The following SCNN1A variants were observed in gnomAD, a reference collection of about 807,000 sequenced individuals.
SCNN1A encodes sodium channel epithelial 1 subunit alpha, also known as epithelial sodium channel subunit alpha.
Under a neutral mutation model 68.6 loss-of-function variants are expected in SCNN1A, and 65 were observed. That is an observed-to-expected ratio of 0.95 (90% confidence interval 0.78 to 1.16). SCNN1A has a LOEUF of 1.16. Ranked by LOEUF, SCNN1A falls within the 50% of genes most tolerant of loss-of-function variation. SCNN1A has a pLI of 0.00. For synonymous variants in SCNN1A, 357 were observed against 353.3 expected (o/e 1.01, Z -0.12); for missense variants, 880 against 865.9 (o/e 1.02, Z -0.20).
At position 6,362,050 on chromosome 12, in the gene SCNN1A, C is replaced by G; in HGVS notation, c.875+1G>C. On this transcript the variant is annotated splice_donor_variant, in intron 4 of 12. Coordinates refer to ENST00000228916, the MANE Select transcript of SCNN1A (RefSeq NM_001038.6). LOFTEE classifies it high-confidence loss of function. ...CAAGGAGCCAGGCAGGACTGACTCA[C>G]GCCTGGTTGCAGGAGACCTGGTTGA... 6.2e-7 allele frequency: 1 copy of G among 1,614,062 alleles called. No homozygotes were observed. The highest frequency in any genetic ancestry group is 8.5e-7 in the Non-Finnish European group (1 of 1,179,948).
chr12:6,352,662 G>C (rs2136859961), intron 8 of SCNN1A, among the ~76,000 whole-genome samples: 1 of 152,350 alleles, frequency 6.6e-6, no homozygotes, highest in South Asian at 2.1e-4. Context: ...TTGCTCATCT[G>C]AGACAGGAGA....
At position 6,361,905 on chromosome 12, in the gene SCNN1A, C is replaced by A. The variant is rs4764586; in HGVS notation, c.875+146G>T. ...GCGCTCTCTGGGGCAGGGTGTGGGC[C>A]CAAAGCCAGTGCTTCCCCCTGGCCT... On this transcript the variant is annotated intron_variant, in intron 4 of 12. Coordinates refer to ENST00000228916, the MANE Select transcript of SCNN1A (RefSeq NM_001038.6). The A allele has an allele frequency of 0.32, 283,499 of 875,610 alleles. 48,451 individuals carry two copies. Among genetic ancestry groups the A allele is most frequent in the Admixed American group, 0.46 (24,799 of 54,204 alleles). 54.2% of individuals were successfully genotyped at this position (875,610 alleles called of 1,614,324 possible).
Position 6,349,100 on chromosome 12 carries a change from C to G in SCNN1A, c.1497+64G>C. The G allele has an allele frequency of 1.3e-5, 21 of 1,603,360 alleles. No individual in the cohort carries two copies. In the South Asian group the frequency reaches 2.2e-4, roughly 17 times the overall value. ...CAAACACACTCATACACATAATACC[C>G]AGAGAAGGCCACAGCATTACATGGG... is the stretch of plus-strand genomic sequence containing the variant. On this transcript the variant is annotated intron_variant, in intron 10 of 12. Coordinates refer to ENST00000228916, the MANE Select transcript of SCNN1A (RefSeq NM_001038.6).
intron 2 of SCNN1A, among the ~76,000 whole-genome samples, chr12:6,373,268 T>C (rs1194387045): frequency 6.6e-6 from 1 of 151,948 alleles, no homozygotes; most frequent in South Asian, 2.1e-4. Context: ...ATCGCACACA[T>C]ACCAATATGT....
In SCNN1A at chr12:6,347,948, G is replaced by T; in HGVS notation, c.1935C>A (p.Ala645=). The T allele has an allele frequency of 6.4e-7, 1 of 1,572,534 alleles. No individual in the cohort carries two copies. The highest frequency in any genetic ancestry group is 8.7e-7 in the Non-Finnish European group (1 of 1,155,628). Residue 645 remains alanine, a synonymous_variant, in exon 13 of 13, where the codon GCC becomes GCA. Transcript: ENST00000228916. ...CTGGAGATGGGCGGGGGCCCAGGGT[G>T]GCATAGGCAGGGGGAGGGGCTGTCA... ...PALTAPPPAY[A]TLGPRPSPGG...
In SCNN1A at chr12:6,363,545, C is replaced by A. The variant is rs755303181; in HGVS notation, c.582G>T (p.Pro194=). 1 of 1,609,516 alleles carries A rather than the reference C, an allele frequency of 6.2e-7. No homozygotes were observed. The highest frequency in any genetic ancestry group is 8.5e-7 in the Non-Finnish European group (1 of 1,178,134). ...LPHPLQRLRV[P]PPPHGARRAR... ...CTCGACGGGCCCCGTGAGGCGGGGGCGGGACCCTCAGGCGCTGCAAGGGGT... is the reference window on the plus strand; with the variant it reads ...CTCGACGGGCCCCGTGAGGCGGGGGAGGGACCCTCAGGCGCTGCAAGGGGT... Residue 194 remains proline, a synonymous_variant, in exon 3 of 13, where the codon CCG becomes CCT. Transcript: ENST00000228916.
chr12:6,354,689 T>C, intron 7 of SCNN1A, 61 bp downstream of exon 7: 2 of 1,502,182 alleles, frequency 1.3e-6, no homozygotes, highest in East Asian at 2.3e-5. Flanking sequence ...CCCTCCAGCT[T>C]TGCAGGGCCA....
intron 2 of SCNN1A, among the ~76,000 whole-genome samples, chr12:6,366,341 T>A (rs894647198): frequency 2.6e-5 from 4 of 152,070 alleles, no homozygotes; most frequent in Non-Finnish European, 5.9e-5. Flanking sequence ...CACACACAAA[T>A]GTGCACAAAT....
intron 1 of SCNN1A, 198 bp from the exon 2 acceptor site, chr12:6,375,035 A>C: frequency 1.9e-6 from 3 of 1,539,494 alleles, no homozygotes; most frequent in Non-Finnish European, 2.6e-6. Flanking sequence ...GACCTGCGGG[A>C]GTTGGGGCCA....
Position 6,348,780 on chromosome 12 carries a change from T to A in SCNN1A, c.1576A>T (p.Ile526Phe). 6.2e-7 allele frequency: 1 copy of A among 1,613,698 alleles called. No individual in the cohort carries two copies. Among genetic ancestry groups the A allele is most frequent in the Non-Finnish European group, 8.5e-7 (1 of 1,179,922 alleles). Residue 526 changes from isoleucine (I) to phenylalanine (F), a missense_variant, in exon 12 of 13, where the codon ATC becomes TTC. By Grantham distance (21) the Ile-to-Phe change is conservative. Around this residue, in one of 3 missense-constraint regions of SCNN1A, gnomAD observed 758 missense variants for 721.8 expected, o/e 1.05. Coordinates refer to ENST00000228916, the MANE Select transcript of SCNN1A (RefSeq NM_001038.6). The stretch of plus-strand genomic sequence containing the variant: ...TTGTAGTTCAGCTCCTTGAAGAAGA[T>A]GTTGACTTTGGCCACTCCATTTCTT... ...NKRNGVAKVNIFFKELNYKTN... is the reference protein window; with the variant it reads ...NKRNGVAKVNFFFKELNYKTN...
At position 6,358,107 on chromosome 12, in the gene SCNN1A, C is replaced by T. The variant is rs543791044; in HGVS notation, c.876-2227G>A. On this transcript the variant is annotated intron_variant, in intron 4 of 12. Coordinates refer to ENST00000228916, the MANE Select transcript of SCNN1A (RefSeq NM_001038.6). ...ACCAAACAAGTTACTTACTTAATCT[C>T]TCTGTACCTCAGTTTCCTCAGCTGT... Among the ~76,000 whole-genome samples, 32 of 152,348 alleles carry T rather than the reference C, an allele frequency of 2.1e-4. No homozygotes were observed. The South Asian group carries it at 6.6e-3, about 32-fold the overall frequency.
chr12:6,356,731 G>A (rs986427444), intron 4 of SCNN1A, among the ~76,000 whole-genome samples: 2 of 152,214 alleles, frequency 1.3e-5, no homozygotes, highest in Non-Finnish European at 2.9e-5. Context: ...TTGTAGCACA[G>A]CACATGTGCC....
At chr12:6,361,704 T>C (rs1431787076) in intron 4 of SCNN1A, among the ~76,000 whole-genome samples, 1 of 152,020 alleles carries the variant, frequency 6.6e-6, no homozygotes, top group Non-Finnish European at 1.5e-5. Flanking sequence ...GATCGCGCCA[T>C]TGCACTCCAG....
At position 6,374,081 on chromosome 12, in the gene SCNN1A, G is replaced by A. The variant is rs1173654651; in HGVS notation, c.416+287C>T. Among the ~76,000 whole-genome samples, 2 of 152,214 alleles carry A rather than the reference G, an allele frequency of 1.3e-5. No homozygotes were observed. Among genetic ancestry groups the A allele is most frequent in the African/African-American group, 4.8e-5 (2 of 41,454 alleles). On this transcript the variant is annotated intron_variant, in intron 2 of 12. Coordinates refer to ENST00000228916, the MANE Select transcript of SCNN1A (RefSeq NM_001038.6). This position sits in a 1 kb window ranked among gnomAD's most constrained non-coding sequence, Gnocchi z 6.2. The stretch of plus-strand genomic sequence containing the variant: ...CAAGCACTCCCTCCCACTTGCAGGA[G>A]GGAGAAGGGAATGGGAGGGAAGGAG...
At chr12:6,362,369 G>C in intron 3 of SCNN1A, 128 bp from the exon 4 acceptor site, 1 of 821,882 alleles carries the variant, frequency 1.2e-6, no homozygotes, top group Non-Finnish European at 2.1e-6. Flanking sequence ...GCCAGGAGTG[G>C]GGAAAGACAG....
At chr12:6,362,328 G>C in intron 3 of SCNN1A, 87 bp from the exon 4 acceptor site, 1 of 1,198,742 alleles carries the variant, frequency 8.3e-7, no homozygotes, top group Non-Finnish European at 1.2e-6. Flanking sequence ...AGTGATCTGG[G>C]GTTCTGAGGA....
Position 6,374,972 on chromosome 12 carries a change from C to T in SCNN1A, c.-54-135G>A, listed in dbSNP as rs1387616992. 16 of 1,558,640 alleles carry T rather than the reference C, an allele frequency of 1.0e-5. No individual in the cohort carries two copies. The highest frequency in any genetic ancestry group is 7.8e-5 in the Admixed American group (4 of 51,412). On this transcript the variant is annotated intron_variant, in intron 1 of 12. Coordinates refer to ENST00000228916, the MANE Select transcript of SCNN1A (RefSeq NM_001038.6). The surrounding 1 kb of genome is among the most constrained non-coding windows in gnomAD (Gnocchi z 6.2). The stretch of plus-strand genomic sequence containing the variant: ...CTGGCCATGCCCATGTCCCACCCTG[C>T]GCCCACATTCTCCCACTCCTCCCTC...
chr12:6,359,779 T>TTG (rs939090384), intron 4 of SCNN1A, among the ~76,000 whole-genome samples: 3 of 144,040 alleles, frequency 2.1e-5, no homozygotes, highest in African/African-American at 7.8e-5. Flanking sequence ...TTTTTTTTTT[T>TTG]TTTTTTTTTC....
Position 6,355,522 on chromosome 12 carries a change from C to T in SCNN1A, c.980-87G>A, listed in dbSNP as rs1948482152. 4 of 1,493,690 alleles carry T rather than the reference C, an allele frequency of 2.7e-6. No homozygotes were observed. The South Asian group carries it at 3.6e-5, about 13-fold the overall frequency. The allele number at this position is 1,493,690 out of a possible 1,614,324, so 92.5% of individuals were successfully genotyped here. A position where few individuals can be genotyped will look rare whatever the true frequency, so the allele number is the denominator to read the frequency against. Reference sequence around the variant, plus strand: ...GGAAATCCACTCTCCCTTCCTTGCCCAGTCTCTAAAGCTGCAAGAGAAGCA... The same window carrying T: ...GGAAATCCACTCTCCCTTCCTTGCCTAGTCTCTAAAGCTGCAAGAGAAGCA... On this transcript the variant is annotated intron_variant, in intron 5 of 12. Coordinates refer to ENST00000228916, the MANE Select transcript of SCNN1A (RefSeq NM_001038.6).
Sources: gnomAD v4.1 joint callset for allele counts (sites outside exome capture counted in the v4.1 genomes callset) on GRCh38, gnomAD v4.1.1 for gene constraint, gnomAD v4.1.1 regional missense constraint, Gnocchi (gnomAD v3.1) non-coding constraint, MANE v1.5 for transcripts, NCBI Gene and HGNC (gene_info 2026-07-23, HGNC 2026-07-21) for gene names.